EEFSEC: variants seen among roughly 807,000 people sequenced by gnomAD.
The protein encoded by EEFSEC is eukaryotic elongation factor, selenocysteine-tRNA specific, also known as selenocysteine-specific elongation factor.
EEFSEC carries 43 observed loss-of-function variants against 42.1 expected under a neutral mutation model. The ratio of observed to expected loss-of-function variants is 1.02; its 90% CI spans 0.80 to 1.32. The LOEUF is 1.32. Ranked by LOEUF, EEFSEC falls within the 40% of genes most tolerant of loss-of-function variation. EEFSEC has a pLI of 0.00. For synonymous variants in EEFSEC, 354 were observed against 339.1 expected (o/e 1.04, Z -0.48); for missense variants, 745 against 803.6 (o/e 0.93, Z 0.88).
At chr3:128,161,497 T>A (rs962636919) in intron 1 of EEFSEC, among the ~76,000 whole-genome samples, 2 of 152,138 alleles carry the variant, frequency 1.3e-5, no homozygotes, top group African/African-American at 2.4e-5. Flanking sequence ...TAGCGGTGCC[T>A]CCTGCGTGGG....
At chr3:128,237,755 CCTT>C (rs2066028204) in intron 1 of EEFSEC, among the ~76,000 whole-genome samples, 1 of 152,128 alleles carries the variant, frequency 6.6e-6, no homozygotes, top group African/African-American at 2.4e-5. Flanking sequence ...CTTACATGGA[CCTT>C]CTTTGTTGTT....
intron 4 of EEFSEC, among the ~76,000 whole-genome samples, chr3:128,292,611 CTTA>C (rs1328588351): frequency 1.9e-4 from 29 of 151,760 alleles, no homozygotes; most frequent in African/African-American, 6.3e-4. Flanking sequence ...GTAATATACT[CTTA>C]TTATCTTTTA....
intron 6 of EEFSEC, among the ~76,000 whole-genome samples, chr3:128,365,938 G>A (rs930233987): frequency 6.6e-6 from 1 of 152,188 alleles, no homozygotes; most frequent in Admixed American, 6.5e-5. Flanking sequence ...GTCTCTCCCG[G>A]GACCAGTACA....
chr3:128,291,913 T>G (rs1356716087), intron 4 of EEFSEC, among the ~76,000 whole-genome samples: 1 of 152,212 alleles, frequency 6.6e-6, no homozygotes. Flanking sequence ...ATGTTAGCTG[T>G]GGATTTTTTG....
At chr3:128,242,468 CCTT>C (rs1260336811) in intron 1 of EEFSEC, among the ~76,000 whole-genome samples, 9 of 151,744 alleles carry the variant, frequency 5.9e-5, no homozygotes, top group East Asian at 1.9e-4. Context: ...CATTTTTTCT[CCTT>C]CTTATAATGC....
chr3:128,362,982 G>T (rs889169817), intron 6 of EEFSEC, among the ~76,000 whole-genome samples: 3 of 151,920 alleles, frequency 2.0e-5, no homozygotes, highest in African/African-American at 7.3e-5. Context: ...ATGAGAAAAA[G>T]AAAAAAAATT....
chr3:128,235,940 A>AGGTT (rs538297319), intron 1 of EEFSEC, among the ~76,000 whole-genome samples: 9 of 117,040 alleles, frequency 7.7e-5, no homozygotes, highest in East Asian at 3.2e-4. Flanking sequence ...GGATGGGCAA[A>AGGTT]GGTTTGTTTG....
chr3:128,337,105 A>G (rs930588151), intron 4 of EEFSEC: 2 of 152,206 alleles, frequency 1.3e-5, no homozygotes, highest in Non-Finnish European at 2.9e-5. Flanking sequence ...TGGTAAAATT[A>G]TCTACTTTTC....
At chr3:128,339,168 A>T (rs150904376) in intron 4 of EEFSEC, among the ~76,000 whole-genome samples, 1 of 152,056 alleles carries the variant, frequency 6.6e-6, no homozygotes, top group Non-Finnish European at 1.5e-5. Context: ...TTTGTGATTG[A>T]TCTTGGCTGT....
At chr3:128,260,891 T>G (rs2066289384) in intron 2 of EEFSEC, among the ~76,000 whole-genome samples, 1 of 152,170 alleles carries the variant, frequency 6.6e-6, no homozygotes, top group African/African-American at 2.4e-5. Flanking sequence ...ATGTCCTTGC[T>G]GTATCATTTT....
At chr3:128,421,764 G>A in the EEFSEC span, among the ~76,000 whole-genome samples, 141 of 152,226 alleles carry the variant, frequency 9.3e-4, no homozygotes, top group Admixed American at 2.0e-3. Flanking sequence ...CCTGAGCCTC[G>A]GCCCACCTCT....
intron 1 of EEFSEC, among the ~76,000 whole-genome samples, chr3:128,237,912 C>T (rs576132145): frequency 2.0e-5 from 3 of 152,300 alleles, no homozygotes; most frequent in East Asian, 3.9e-4. Flanking sequence ...ATCCTCAGGG[C>T]CTTGCCCACC....
chr3:128,156,270 C>T (rs1944380039), intron 1 of EEFSEC, among the ~76,000 whole-genome samples: 1 of 152,158 alleles, frequency 6.6e-6, no homozygotes, highest in African/African-American at 2.4e-5. Context: ...TGTGTATTTG[C>T]TGCTTACCAG....
chr3:128,234,135 C>T (rs969106755), intron 1 of EEFSEC, among the ~76,000 whole-genome samples: 7 of 152,084 alleles, frequency 4.6e-5, no homozygotes, highest in African/African-American at 1.7e-4. Flanking sequence ...TCACTGCAAC[C>T]TCTGCCTCCC....
intron 4 of EEFSEC, among the ~76,000 whole-genome samples, chr3:128,331,293 T>G (rs1304418989): frequency 5.6e-5 from 1 of 17,726 alleles, no homozygotes; most frequent in Admixed American, 7.1e-4. Context: ...CCTTCCTCAA[T>G]GCATCTCCCT....
intron 6 of EEFSEC, among the ~76,000 whole-genome samples, chr3:128,377,336 G>A (rs776490733): frequency 5.3e-5 from 8 of 152,024 alleles, no homozygotes; most frequent in African/African-American, 1.2e-4. Context: ...CCTGGGCTCC[G>A]GGCTCAGACA....
chr3:128,399,844 C>T (rs2068028357), intron 6 of EEFSEC, among the ~76,000 whole-genome samples: 1 of 152,040 alleles, frequency 6.6e-6, no homozygotes, highest in African/African-American at 2.4e-5. Flanking sequence ...AAACCCTCAT[C>T]GCCTCTGCCT....
intron 1 of EEFSEC, among the ~76,000 whole-genome samples, chr3:128,219,490 C>T (rs1293595830): frequency 6.6e-6 from 1 of 152,224 alleles, no homozygotes; most frequent in Non-Finnish European, 1.5e-5. Context: ...CTGCTCCTCA[C>T]TTGGGCCTTC....
the EEFSEC span, among the ~76,000 whole-genome samples, chr3:128,423,425 G>C: frequency 1.2e-4 from 19 of 152,144 alleles, no homozygotes; most frequent in Non-Finnish European, 2.8e-4. Context: ...GCCCCAGTGA[G>C]CTATGATTGC....
Sources: allele counts gnomAD v4.1 joint callset (sites outside exome capture counted in the v4.1 genomes callset), GRCh38; gene constraint gnomAD v4.1.1; transcripts MANE v1.5; gene names NCBI Gene and HGNC (gene_info 2026-07-23, HGNC 2026-07-21).